The following SCD5 variants were observed in gnomAD, a reference collection of about 807,000 sequenced individuals.
SCD5 encodes the protein acyl-CoA-desaturase 4.
Under a neutral mutation model 30.4 loss-of-function variants are expected in SCD5, and 20 were observed. The observed-to-expected ratio is 0.66, with a 90% CI of 0.46 to 0.96. The LOEUF (loss-of-function observed/expected upper bound fraction) is 0.96, where lower values mean the gene tolerates loss of function less well. Ranked by LOEUF, SCD5 falls within the 40% of genes least tolerant of loss-of-function variation. The probability of loss-of-function intolerance (pLI) is 0.00; values close to 1 mark genes in which losing one functional copy is unlikely to be tolerated. For missense variants in SCD5, 381 were observed against 443.3 expected, an observed-to-expected ratio of 0.86 and a Z score of 1.26; for synonymous variants, 173 against 176.4, an observed-to-expected ratio of 0.98 and a Z score of 0.16.
At chr4:82,653,785 C>T (rs1276512607) in intron 3 of SCD5, among the ~76,000 whole-genome samples, 1 of 151,946 alleles carries the variant, frequency 6.6e-6, no homozygotes, top group Admixed American at 6.6e-5. Flanking sequence ...TATAGTTTCT[C>T]CAAATCTCTT....
At chr4:82,794,650 A>AT (rs200270294) in intron 1 of SCD5, among the ~76,000 whole-genome samples, 1,621 of 136,722 alleles carry the variant, frequency 0.012, 19 homozygotes, top group African/African-American at 0.029. Context: ...CATTCTGTCC[A>AT]TTTTTTTTTT....
rs563228390 is a variant in SCD5 at position 82,751,749 on chromosome 4, A to C, written c.233-46336T>G. ...TCAAGCAATTCTCCTGCCTCAGCCT[A>C]CCGAGTAGCTGGGATTACAGGCACG... On this transcript the variant is annotated intron_variant, in intron 1 of 4. Coordinates refer to ENST00000319540, the MANE Select transcript of SCD5 (RefSeq NM_001037582.3). Among the ~76,000 whole-genome samples, 5 of 152,118 alleles carry C rather than the reference A, an allele frequency of 3.3e-5. No individual in the cohort carries two copies. The South Asian group carries it at 6.2e-4, about 19-fold the overall frequency.
At chr4:82,672,014 T>C (rs894823802) in intron 3 of SCD5, among the ~76,000 whole-genome samples, 1 of 152,082 alleles carries the variant, frequency 6.6e-6, no homozygotes, top group African/African-American at 2.4e-5. Context: ...TGAATTAAAA[T>C]AAGAACAAAA....
chr4:82,797,963 G>C (rs1722262660), intron 1 of SCD5, among the ~76,000 whole-genome samples: 1 of 152,074 alleles, frequency 6.6e-6, no homozygotes, highest in Non-Finnish European at 1.5e-5. Context: ...AGCCTGTGCC[G>C]AGCCTCTCCC....
chr4:82,798,554 C>G lies in SCD5; in HGVS notation c.-17G>C, dbSNP rs1052339182. On this transcript the variant is annotated 5_prime_UTR_variant, in exon 1 of 5. Coordinates refer to ENST00000319540, the MANE Select transcript of SCD5 (RefSeq NM_001037582.3). ...GCCTGGCATGGCTGGGCGAGGTGGG[C>G]GCCCGCAGCAGCGGCAGGCAGGCAG... 6.4e-7 allele frequency: 1 copy of G among 1,555,150 alleles called. No homozygotes were observed. The highest frequency in any genetic ancestry group is 8.7e-7 in the Non-Finnish European group (1 of 1,151,312).
intron 1 of SCD5, among the ~76,000 whole-genome samples, chr4:82,782,676 C>T (rs1721897821): frequency 6.6e-6 from 1 of 152,152 alleles, no homozygotes; most frequent in South Asian, 2.1e-4. Context: ...CAAGTTACTC[C>T]ACCCCTATAA....
chr4:82,640,089 C>T (rs932129284), intron 3 of SCD5, among the ~76,000 whole-genome samples: 3 of 152,160 alleles, frequency 2.0e-5, no homozygotes, highest in African/African-American at 7.2e-5. Flanking sequence ...GGCTCCTGCT[C>T]TCTGACCCCT....
intron 1 of SCD5, among the ~76,000 whole-genome samples, chr4:82,722,425 A>C (rs1024533323): frequency 6.6e-6 from 1 of 152,202 alleles, no homozygotes; most frequent in Admixed American, 6.5e-5. Context: ...AAGATGGTAT[A>C]GTTAGAAAAA....
At chr4:82,735,771 G>A (rs1339709016) in intron 1 of SCD5, among the ~76,000 whole-genome samples, 2 of 152,198 alleles carry the variant, frequency 1.3e-5, no homozygotes, top group Admixed American at 6.5e-5. Context: ...TTTAATAGAA[G>A]TGTTTTGGGT....
At chr4:82,704,930 T>C (rs1052377128) in intron 2 of SCD5, among the ~76,000 whole-genome samples, 1 of 152,214 alleles carries the variant, frequency 6.6e-6, no homozygotes, top group African/African-American at 2.4e-5. Context: ...AGGGCTACTA[T>C]GCGGATCAAA....
chr4:82,785,641 G>T (rs1417089426), intron 1 of SCD5, among the ~76,000 whole-genome samples: 1 of 152,066 alleles, frequency 6.6e-6, no homozygotes. Context: ...TTGCTGCAGG[G>T]GGTCTTTCCC....
intron 1 of SCD5, among the ~76,000 whole-genome samples, chr4:82,733,211 G>A (rs1002051683): frequency 6.6e-6 from 1 of 152,068 alleles, no homozygotes; most frequent in African/African-American, 2.4e-5. Context: ...CCACGCACAC[G>A]CCCCACACAC....
At chr4:82,634,154 T>C (rs1333327128) in intron 4 of SCD5, among the ~76,000 whole-genome samples, 1 of 152,240 alleles carries the variant, frequency 6.6e-6, no homozygotes, top group African/African-American at 2.4e-5. Flanking sequence ...CATCCATCAG[T>C]TGATGGACAT....
At chr4:82,632,117 T>C (rs538153974) in intron 4 of SCD5, among the ~76,000 whole-genome samples, 2 of 152,124 alleles carry the variant, frequency 1.3e-5, no homozygotes, top group East Asian at 3.9e-4. Flanking sequence ...ACATGTGCCA[T>C]GTTGGTTTGC....
At chr4:82,738,335 TC>T (rs150521711) in intron 1 of SCD5, among the ~76,000 whole-genome samples, 9,187 of 151,764 alleles carry the variant, frequency 0.061, 395 homozygotes, top group African/African-American at 0.11. Flanking sequence ...GGCAGGAAAA[TC>T]GCTTGAACCC....
At chr4:82,758,740 C>G (rs562051274) in intron 1 of SCD5, among the ~76,000 whole-genome samples, 22 of 152,192 alleles carry the variant, frequency 1.4e-4, no homozygotes, top group African/African-American at 5.1e-4. Flanking sequence ...CCTTCCTTAC[C>G]GGGTCCCATC....
chr4:82,798,433 C>T lies in SCD5; in HGVS notation c.105G>A (p.Arg35=). The T allele has an allele frequency of 1.2e-6, 2 of 1,613,176 alleles. No homozygotes were observed. The highest frequency in any genetic ancestry group is 1.7e-6 in the Non-Finnish European group (2 of 1,179,630). ...TCTGCCGCTGCCCGCGCGCGCCTGG[C>T]CTCTCCGGGCCGCCGCCGCCCTCAG... ...ESSEGGGGPE[R]PGARGQRQNI... is the part of the protein sequence containing the mutation. Residue 35 remains arginine, a synonymous_variant, in exon 1 of 5, where the codon AGG becomes AGA. Coordinates refer to ENST00000319540, the MANE Select transcript of SCD5 (RefSeq NM_001037582.3).
intron 1 of SCD5, among the ~76,000 whole-genome samples, chr4:82,786,356 A>C (rs894945935): frequency 6.6e-6 from 1 of 152,254 alleles, no homozygotes; most frequent in Admixed American, 6.5e-5. Flanking sequence ...AGCTAAAACC[A>C]ACACAGCCCA....
chr4:82,662,054 GTTAT>G (rs1192634156), intron 3 of SCD5, among the ~76,000 whole-genome samples: 1 of 152,142 alleles, frequency 6.6e-6, no homozygotes, highest in African/African-American at 2.4e-5. Context: ...AACAGTGTAT[GTTAT>G]TTATTTATTT....
Sources: gnomAD v4.1 joint callset for allele counts (sites outside exome capture counted in the v4.1 genomes callset) on GRCh38, gnomAD v4.1.1 for gene constraint, MANE v1.5 for transcripts, NCBI Gene and HGNC (gene_info 2026-07-23, HGNC 2026-07-21) for gene names.